The following WDFY3 variants were observed in gnomAD, a reference collection of about 807,000 sequenced individuals.
WDFY3 encodes the protein WD repeat and FYVE domain-containing protein 3.
Under a neutral mutation model 409.6 loss-of-function variants are expected in WDFY3, and 66 were observed. That is an observed-to-expected ratio of 0.16 (90% CI 0.13 to 0.20). WDFY3 has a LOEUF of 0.20. WDFY3 is among the 10% of genes least tolerant of loss of function. The pLI, the probability that WDFY3 is intolerant of heterozygous loss-of-function variation, is 1.00. For synonymous variants in WDFY3, 1,521 were observed against 1,537.1 expected (o/e 0.99, Z 0.25); for missense variants, 3,031 against 4,298.1 (o/e 0.71, Z 8.24).
intron 5 of WDFY3, among the ~76,000 whole-genome samples, chr4:84,842,735 C>T (rs931560930): frequency 2.0e-5 from 3 of 152,142 alleles, no homozygotes; most frequent in Non-Finnish European, 4.4e-5. Context: ...GAGCGGAGAT[C>T]ACACCACTGC....
chr4:84,885,330 ATGTGTGTGTGTGTG>A (rs70943380), intron 3 of WDFY3, among the ~76,000 whole-genome samples: 14 of 145,656 alleles, frequency 9.6e-5, no homozygotes, highest in Middle Eastern at 3.5e-3. Context: ...ACATATACAT[ATGTGTGTGTGTGTG>A]TGTGTGTGTG....
At chr4:84,715,225 G>T in intron 50 of WDFY3, 73 bp downstream of exon 50, 1 of 813,050 alleles carries the variant, frequency 1.2e-6, no homozygotes, top group Non-Finnish European at 1.9e-6. Context: ...TTAAAAACCA[G>T]CAAAACTGAG....
intron 24 of WDFY3, among the ~76,000 whole-genome samples, chr4:84,783,383 G>A (rs1393410999): frequency 6.6e-6 from 1 of 152,176 alleles, no homozygotes; most frequent in Non-Finnish European, 1.5e-5. Flanking sequence ...GGAGGCAGAG[G>A]TGGGAGAAAC....
intron 2 of WDFY3, 46 bp from the exon 3 acceptor site, chr4:84,897,056 A>G (rs534480474): frequency 1.2e-4 from 18 of 152,364 alleles, no homozygotes; most frequent in South Asian, 4.1e-4. Context: ...CTAATTCAGA[A>G]TATTTTCCTC....
chr4:84,936,407 G>C (rs1771416475), intron 1 of WDFY3, among the ~76,000 whole-genome samples: 1 of 152,040 alleles, frequency 6.6e-6, no homozygotes, highest in South Asian at 2.1e-4. Context: ...TGTAGTCCTA[G>C]GTACTTAGGA....
Position 84,798,039 on chromosome 4 carries a change from C to T in WDFY3, c.2892G>A (p.Arg964=), listed in dbSNP as rs2149608129. 1 of 1,613,166 alleles carries T rather than the reference C, an allele frequency of 6.2e-7. No homozygotes were observed. Among genetic ancestry groups the T allele is most frequent in the Non-Finnish European group, 8.5e-7 (1 of 1,179,608 alleles). Residue 964 remains arginine (R), a synonymous_variant, in exon 18 of 68, where the codon AGG becomes AGA. Coordinates refer to ENST00000295888, the MANE Select transcript of WDFY3 (RefSeq NM_014991.6). ...AWDKKLLKQY[R]VHKPSSLSYE... ...AACTCAGTGAACTTGGTTTGTGGACCCTATATTGTTTTAGCAGTTTTTTGT... is the reference window on the plus strand; with the variant it reads ...AACTCAGTGAACTTGGTTTGTGGACTCTATATTGTTTTAGCAGTTTTTTGT...
intron 51 of WDFY3, among the ~76,000 whole-genome samples, chr4:84,710,131 C>T (rs1732640038): frequency 6.6e-6 from 1 of 152,182 alleles, no homozygotes; most frequent in Non-Finnish European, 1.5e-5. Context: ...CCTCCTAACT[C>T]AGCCTCCCAA....
chr4:84,796,364 A>T (rs1392518292), intron 19 of WDFY3, among the ~76,000 whole-genome samples, 157 bp downstream of exon 19: 1 of 152,190 alleles, frequency 6.6e-6, no homozygotes, highest in African/African-American at 2.4e-5. Flanking sequence ...TAAATGTAGT[A>T]ATCTTAAAAT....
intron 2 of WDFY3, among the ~76,000 whole-genome samples, chr4:84,917,568 T>A (rs1305622608): frequency 6.6e-6 from 1 of 152,198 alleles, no homozygotes; most frequent in African/African-American, 2.4e-5. Context: ...AATGTAAGAC[T>A]GCAGGACAAG....
intron 44 of WDFY3, among the ~76,000 whole-genome samples, chr4:84,729,496 T>C (rs1040593785): frequency 6.6e-6 from 1 of 151,896 alleles, no homozygotes; most frequent in Non-Finnish European, 1.5e-5. Flanking sequence ...TATTAATAAT[T>C]ATTACTATTT....
intron 45 of WDFY3, among the ~76,000 whole-genome samples, chr4:84,725,613 T>C (rs1030939404): frequency 2.6e-5 from 4 of 152,180 alleles, no homozygotes; most frequent in Admixed American, 2.0e-4. Flanking sequence ...AGATGAAATC[T>C]GAAACATGCT....
intron 53 of WDFY3, among the ~76,000 whole-genome samples, chr4:84,706,321 G>A (rs1291792723): frequency 6.6e-6 from 1 of 152,140 alleles, no homozygotes; most frequent in Non-Finnish European, 1.5e-5. Context: ...AGTCAAGTTA[G>A]CATATTTGTT....
In WDFY3 at chr4:84,829,198, AATAG is replaced by A. The variant is rs753047968; in HGVS notation, c.770-12_770-9del. ...TAGATAAACACTCTTTCTCTGTAAG[AATAG>A]ATAATTAAATAAATATGCATTATTC... On this transcript the variant is annotated splice_polypyrimidine_tract_variant and intron_variant, in intron 8 of 67. Transcript: ENST00000295888. 2.6e-6 allele frequency: 4 copies of A among 1,528,380 alleles called. No homozygotes were observed. The highest frequency in any genetic ancestry group is 2.1e-5 in the Admixed American group (1 of 48,444). The allele number at this position is 1,528,380 out of a possible 1,614,324, so 94.7% of individuals were successfully genotyped here. A position where few individuals can be genotyped will look rare whatever the true frequency, so the allele number is the denominator to read the frequency against.
intron 1 of WDFY3, among the ~76,000 whole-genome samples, chr4:84,949,737 T>C (rs981511609): frequency 5.3e-5 from 8 of 152,170 alleles, no homozygotes; most frequent in African/African-American, 1.9e-4. Context: ...ACAACCTTGA[T>C]TCCTAGCTAA....
intron 59 of WDFY3, 107 bp downstream of exon 59, chr4:84,692,778 T>C: frequency 6.5e-6 from 7 of 1,070,152 alleles, no homozygotes; most frequent in Non-Finnish European, 9.2e-6. Context: ...ATGGCACTTA[T>C]TAAACAAATT....
intron 66 of WDFY3, among the ~76,000 whole-genome samples, 191 bp downstream of exon 66, chr4:84,677,977 A>G (rs1726624426): frequency 6.6e-6 from 1 of 151,498 alleles, no homozygotes; most frequent in African/African-American, 2.4e-5. Flanking sequence ...AAAAAAAAAA[A>G]AAAAAAAAAA....
chr4:84,733,446 C>G lies in WDFY3; in HGVS notation c.7157G>C (p.Arg2386Pro), dbSNP rs752388155. The change falls in exon 44 of 68, where the codon CGA becomes CCA. Residue 2386 changes from arginine to proline, a missense_variant. Transcript: ENST00000295888. ...GTAATGGTTATAAAACATATCATTT[C>G]GCACCATCTTTTTCCTCATCCTGCA... ...GPCRMRKKMV[R>P]NDMFYNHYPY... The G allele has an allele frequency of 1.9e-6, 3 of 1,613,966 alleles. No homozygotes were observed. Among genetic ancestry groups the G allele is most frequent in the Non-Finnish European group, 2.5e-6 (3 of 1,180,034 alleles).
At chr4:84,687,950 G>T (rs1045150295) in intron 62 of WDFY3, 136 bp downstream of exon 62, 2 of 912,252 alleles carry the variant, frequency 2.2e-6, no homozygotes, top group Admixed American at 4.5e-5. Flanking sequence ...AGAAGTCCTG[G>T]GCTCAACTAA....
chr4:84,778,774 CACAG>C, intron 26 of WDFY3, 119 bp from the exon 27 acceptor site: 1 of 887,216 alleles, frequency 1.1e-6, no homozygotes, highest in South Asian at 3.3e-5. Flanking sequence ...CACACATACA[CACAG>C]AATCCTATGT....
Sources: gnomAD v4.1 joint callset for allele counts (sites outside exome capture counted in the v4.1 genomes callset) on GRCh38, gnomAD v4.1.1 for gene constraint, MANE v1.5 for transcripts, NCBI Gene and HGNC (gene_info 2026-07-23, HGNC 2026-07-21) for gene names.